ARHGAP8: variants seen among roughly 807,000 people sequenced by gnomAD.
ARHGAP8 encodes the protein Rho GTPase activating protein 8.
In ARHGAP8, 62 loss-of-function variants were observed where a neutral mutation model predicts 46.1. That is an observed-to-expected ratio of 1.34 (90% confidence interval 1.10 to 1.66). ARHGAP8 has a LOEUF of 1.66. ARHGAP8 is among the 40% of genes most tolerant of loss of function. The probability of loss-of-function intolerance (pLI) is 0.00; values close to 1 mark genes in which losing one functional copy is unlikely to be tolerated. For synonymous variants in ARHGAP8, 375 were observed against 243.1 expected (o/e 1.54, Z -5.05); for missense variants, 923 against 568.4 (o/e 1.62, Z -6.34).
At chr22:44,820,710 C>T (rs1425556626) in intron 5 of ARHGAP8, among the ~76,000 whole-genome samples, 2 of 152,220 alleles carry the variant, frequency 1.3e-5, no homozygotes, top group Non-Finnish European at 2.9e-5. Flanking sequence ...GTTCCCTGGC[C>T]TACCTGGCAG....
intron 1 of ARHGAP8, among the ~76,000 whole-genome samples, chr22:44,764,026 A>G (rs1427859987): frequency 2.0e-5 from 3 of 151,928 alleles, no homozygotes; most frequent in Non-Finnish European, 4.4e-5. Flanking sequence ...GTTAGCCAGG[A>G]TGGTCTCGAT....
rs1341066427 is a variant in ARHGAP8, at chr22:44,859,854, G to T, written c.981+20G>T. On this transcript the variant is annotated intron_variant, in intron 11 of 11. Transcript: ENST00000356099. ...CATGCGGTGAGTGGGGAAGGGGGGAGCTTGGGGTGAAGCCCAGTGGCCTTC... is the reference window on the plus strand; with the variant it reads ...CATGCGGTGAGTGGGGAAGGGGGGATCTTGGGGTGAAGCCCAGTGGCCTTC... The T allele has an allele frequency of 6.2e-7, 1 of 1,610,554 alleles. No homozygotes were observed.
At chr22:44,855,213 G>GA (rs2070191912) in intron 10 of ARHGAP8, among the ~76,000 whole-genome samples, 1 of 151,968 alleles carries the variant, frequency 6.6e-6, no homozygotes, top group Non-Finnish European at 1.5e-5. Context: ...GATCTGCAAA[G>GA]AAAAAAAGAA....
intron 6 of ARHGAP8, 25 bp from the exon 7 acceptor site, chr22:44,825,458 A>G: frequency 6.3e-7 from 1 of 1,599,118 alleles, no homozygotes; most frequent in South Asian, 1.1e-5. Flanking sequence ...GCCAGGTGAG[A>G]TCCCAGCCTC....
chr22:44,754,373 T>TGTGTGTGTGTGTGTGTGTGTGTGTGA (rs1555907814), intron 1 of ARHGAP8, among the ~76,000 whole-genome samples: 7 of 147,478 alleles, frequency 4.7e-5, no homozygotes, highest in African/African-American at 1.8e-4. Context: ...TGTGTGTGTG[T>TGTGTGTGTGTGTGTGTGTGTGTGTGA]GACGCAGTTT....
chr22:44,862,358 G>A lies in ARHGAP8; in HGVS notation c.1065G>A (p.Gln355=), dbSNP rs772871377. 13 of 1,614,132 alleles carry A rather than the reference G, an allele frequency of 8.1e-6. No homozygotes were observed. The highest frequency in any genetic ancestry group is 1.1e-5 in the Non-Finnish European group (13 of 1,179,996). Residue 355 remains glutamine (Q), a synonymous_variant, in exon 12 of 12, where the codon CAG becomes CAA. Transcript: ENST00000356099. The part of the protein sequence containing the change: ...VFGLNLIWPS[Q]GVSSLSALVP... Reference sequence around the variant, plus strand: ...GGCTGAATTTGATCTGGCCATCCCAGGGGGTCTCCTCCCTGAGTGCCCTTG... The same window carrying A: ...GGCTGAATTTGATCTGGCCATCCCAAGGGGTCTCCTCCCTGAGTGCCCTTG...
In ARHGAP8 at chr22:44,850,032, A is replaced by T. The variant is rs929867618; in HGVS notation, c.877+972A>T. The stretch of plus-strand genomic sequence containing the variant: ...TGGCCATTCCAGAAAGACCAATTAC[A>T]TGGTTAGAGGGTGCGGGCTTTGAGT... On this transcript the variant is annotated intron_variant, in intron 10 of 11. Coordinates refer to ENST00000356099, the MANE Select transcript of ARHGAP8 (RefSeq NM_181335.3). The T allele has an allele frequency of 1.9e-4, 29 of 152,096 alleles. 1 individual carries two copies. The highest frequency in any genetic ancestry group is 6.5e-4 in the African/African-American group (27 of 41,408). 9.4% of individuals were successfully genotyped at this position (152,096 alleles called of 1,614,324 possible).
At chr22:44,853,240 G>A (rs2070141091) in intron 10 of ARHGAP8, among the ~76,000 whole-genome samples, 1 of 152,180 alleles carries the variant, frequency 6.6e-6, no homozygotes, top group South Asian at 2.1e-4. Flanking sequence ...GATGTCTTTG[G>A]TGATGGCACT....
At chr22:44,757,279 A>T (rs1048530254) in intron 1 of ARHGAP8, among the ~76,000 whole-genome samples, 1 of 143,748 alleles carries the variant, frequency 7.0e-6, no homozygotes, top group Admixed American at 7.0e-5. Flanking sequence ...CAAATATTTA[A>T]TTTTTTTTTT....
intron 1 of ARHGAP8, among the ~76,000 whole-genome samples, chr22:44,779,603 C>T (rs1169976868): frequency 7.3e-6 from 1 of 137,390 alleles, no homozygotes; most frequent in East Asian, 2.1e-4. Flanking sequence ...GCTCTGTCAC[C>T]CAGGCTGGAG....
chr22:44,830,329 T>A (rs1238730477), intron 7 of ARHGAP8, among the ~76,000 whole-genome samples: 2 of 151,550 alleles, frequency 1.3e-5, no homozygotes, highest in East Asian at 3.9e-4. Flanking sequence ...CGGCTGTTAC[T>A]GTTTTTTATT....
chr22:44,767,882 AAAAAG>A (rs1186161771), intron 1 of ARHGAP8, among the ~76,000 whole-genome samples: 2 of 151,262 alleles, frequency 1.3e-5, no homozygotes, highest in African/African-American at 4.9e-5. Context: ...CAAAAAAAAA[AAAAAG>A]AAAATTTAAA....
chr22:44,847,239 C>T (rs981644916), intron 8 of ARHGAP8, among the ~76,000 whole-genome samples: 1 of 152,330 alleles, frequency 6.6e-6, no homozygotes, highest in East Asian at 1.9e-4. Flanking sequence ...GAGCCCTTCC[C>T]TCTACCCCAC....
Position 44,805,749 on chromosome 22 carries a change from G to A in ARHGAP8, c.168-2558G>A, listed in dbSNP as rs755013933. 2.6e-5 allele frequency among the ~76,000 whole-genome samples: 4 copies of A among 152,332 alleles called. No individual in the cohort carries two copies. In the South Asian group the frequency reaches 6.2e-4, roughly 24 times the overall value. ...TCGGCCTTGATAAGAAGAGCCATCA[G>A]GCTTACTTCTCCGCAGCCTTTATGA... On this transcript the variant is annotated intron_variant, in intron 3 of 11. Transcript: ENST00000356099.
At chr22:44,810,430 C>T (rs552921615) in intron 4 of ARHGAP8, among the ~76,000 whole-genome samples, 5 of 151,930 alleles carry the variant, frequency 3.3e-5, no homozygotes, top group African/African-American at 9.7e-5. Flanking sequence ...TTAGTAGAGA[C>T]GGGGTTTCAC....
At chr22:44,809,278 G>GTTTT in intron 4 of ARHGAP8, 1 of 351,754 alleles carries the variant, frequency 2.8e-6, no homozygotes, top group Admixed American at 3.5e-5. Flanking sequence ...ATATTCTTCT[G>GTTTT]TTTTTTTTTT....
intron 10 of ARHGAP8, among the ~76,000 whole-genome samples, chr22:44,854,684 G>C (rs1247882983): frequency 1.3e-5 from 2 of 152,144 alleles, no homozygotes; most frequent in Non-Finnish European, 2.9e-5. Flanking sequence ...TGTTGCCCAG[G>C]CTGGAGTGCA....
intron 1 of ARHGAP8, among the ~76,000 whole-genome samples, chr22:44,757,532 G>A (rs537524383): frequency 1.1e-4 from 16 of 151,852 alleles, no homozygotes; most frequent in Admixed American, 3.9e-4. Flanking sequence ...CCGCCTTGGC[G>A]TCCCAAAGTG....
At chr22:44,820,585 G>A (rs1458486794) in intron 5 of ARHGAP8, among the ~76,000 whole-genome samples, 4 of 152,034 alleles carry the variant, frequency 2.6e-5, no homozygotes, top group African/African-American at 4.8e-5. Flanking sequence ...CCTTCCCTCC[G>A]GGGGCTGGGG....
Sources: gnomAD v4.1 joint callset for allele counts (sites outside exome capture counted in the v4.1 genomes callset) on GRCh38, gnomAD v4.1.1 for gene constraint, MANE v1.5 for transcripts, NCBI Gene and HGNC (gene_info 2026-07-23, HGNC 2026-07-21) for gene names.